The following PJA2 variants were observed in gnomAD, a reference collection of about 807,000 sequenced individuals.
PJA2 encodes praja ring finger ubiquitin ligase 2, also known as E3 ubiquitin-protein ligase Praja-2.
Under a neutral mutation model 69.3 loss-of-function variants are expected in PJA2, and 25 were observed. That is an observed-to-expected ratio of 0.36 (90% confidence interval 0.26 to 0.50). PJA2 has a LOEUF of 0.50. PJA2 is among the 20% of genes least tolerant of loss of function. The pLI is 0.96. For synonymous variants in PJA2, 308 were observed against 277.8 expected (o/e 1.11, Z -1.08); for missense variants, 809 against 830.2 (o/e 0.97, Z 0.31).
At chr5:109,378,074 TA>T in intron 4 of PJA2, 129 bp downstream of exon 4, 2 of 665,408 alleles carry the variant, frequency 3.0e-6, no homozygotes, top group Non-Finnish European at 5.0e-6. Context: ...ATTCAGTAAA[TA>T]AAAATATTTG....
At chr5:109,359,977 A>G (rs748910771) in intron 6 of PJA2, among the ~76,000 whole-genome samples, 9 of 152,238 alleles carry the variant, frequency 5.9e-5, no homozygotes, top group African/African-American at 7.2e-5. Context: ...AAACCTTACT[A>G]TAAGTATAAA....
chr5:109,376,771 T>C (rs896191186), intron 4 of PJA2, among the ~76,000 whole-genome samples: 1 of 152,154 alleles, frequency 6.6e-6, no homozygotes, highest in East Asian at 1.9e-4. Context: ...TAGGGCTAAA[T>C]GTGTTTTGGA....
intron 4 of PJA2, among the ~76,000 whole-genome samples, chr5:109,375,876 T>C (rs1427035840): frequency 6.6e-6 from 1 of 152,152 alleles, no homozygotes; most frequent in Non-Finnish European, 1.5e-5. Flanking sequence ...CTGGCAACTA[T>C]AATCCTTTGC....
chr5:109,347,618 T>C (rs1002904461), intron 7 of PJA2, among the ~76,000 whole-genome samples: 2 of 152,230 alleles, frequency 1.3e-5, no homozygotes, highest in African/African-American at 4.8e-5. Context: ...GGGCAGATTT[T>C]TGCCATGTTC....
intron 9 of PJA2, among the ~76,000 whole-genome samples, chr5:109,338,244 T>C (rs1000732085): frequency 6.6e-6 from 1 of 152,208 alleles, no homozygotes; most frequent in African/African-American, 2.4e-5. Context: ...CACTAAGGTA[T>C]TTCCTGACAG....
In PJA2 at chr5:109,353,236, TATA is replaced by T. The variant is rs1475041805; in HGVS notation, c.1764+2676_1764+2678del. On this transcript the variant is annotated intron_variant, in intron 7 of 9. Coordinates refer to ENST00000361189, the MANE Select transcript of PJA2 (RefSeq NM_014819.5). The stretch of plus-strand genomic sequence containing the variant: ...TATAGATATCTATATATTAGATACC[TATA>T]ATATCTATAGATATCTATATATTAG... Among the ~76,000 whole-genome samples, 53 of 141,560 alleles carry T rather than the reference TATA, an allele frequency of 3.7e-4. 1 individual carries two copies. Among genetic ancestry groups the T allele is most frequent in the South Asian group, 1.8e-3 (8 of 4,368 alleles). The allele number at this position is 141,560 out of a possible 152,430, so 92.9% of individuals were successfully genotyped here.
intron 1 of PJA2, among the ~76,000 whole-genome samples, chr5:109,387,975 G>A (rs1041619007): frequency 6.6e-6 from 1 of 152,168 alleles, no homozygotes; most frequent in East Asian, 1.9e-4. Context: ...GAAAAAGAGG[G>A]CTAAGTATTT....
At chr5:109,389,753 A>G (rs926381587) in intron 1 of PJA2, among the ~76,000 whole-genome samples, 1 of 152,004 alleles carries the variant, frequency 6.6e-6, no homozygotes, top group Non-Finnish European at 1.5e-5. Flanking sequence ...GTTACCTCTA[A>G]GCATTGCTTC....
chr5:109,345,702 G>A (rs559143690), intron 7 of PJA2, among the ~76,000 whole-genome samples: 18 of 152,246 alleles, frequency 1.2e-4, no homozygotes, highest in East Asian at 3.9e-4. Context: ...GCTACTAGAA[G>A]CTCCAGGTAT....
intron 1 of PJA2, among the ~76,000 whole-genome samples, chr5:109,403,275 C>A (rs1338197912): frequency 2.0e-5 from 3 of 152,048 alleles, no homozygotes; most frequent in Admixed American, 1.3e-4. Context: ...TACTAACGCT[C>A]ACTTAGTGAG....
chr5:109,362,805 C>A (rs776926493), intron 6 of PJA2, 35 bp downstream of exon 6: 2 of 1,522,752 alleles, frequency 1.3e-6, no homozygotes, highest in African/African-American at 1.4e-5. Context: ...AACTCAGAGC[C>A]TAATTAAGCA....
At chr5:109,353,859 G>A (rs1289447626) in intron 7 of PJA2, among the ~76,000 whole-genome samples, 4 of 24,358 alleles carry the variant, frequency 1.6e-4, no homozygotes, top group African/African-American at 4.4e-4. Context: ...AGATGTCTAT[G>A]ATATCTAGAG....
intron 9 of PJA2, among the ~76,000 whole-genome samples, chr5:109,342,209 GC>G (rs1220642173): frequency 3.9e-5 from 2 of 51,644 alleles, no homozygotes; most frequent in Non-Finnish European, 3.7e-5. Flanking sequence ...GGGGGGGTCA[GC>G]CCCCCCGCCC....
intron 4 of PJA2, among the ~76,000 whole-genome samples, chr5:109,375,710 A>G (rs1473086585): frequency 6.6e-6 from 1 of 152,170 alleles, no homozygotes; most frequent in African/African-American, 2.4e-5. Context: ...AAAACCTGAG[A>G]AGACTAGCAT....
At chr5:109,371,060 T>A (rs936304221) in intron 4 of PJA2, among the ~76,000 whole-genome samples, 1 of 152,218 alleles carries the variant, frequency 6.6e-6, no homozygotes, top group African/African-American at 2.4e-5. Flanking sequence ...TGTTTTTTAA[T>A]GGTGTGTGAG....
intron 1 of PJA2, among the ~76,000 whole-genome samples, chr5:109,401,711 G>A (rs1312185308): frequency 6.6e-6 from 1 of 152,192 alleles, no homozygotes; most frequent in South Asian, 2.1e-4. Flanking sequence ...TTTGTTACCA[G>A]TAGAATTGAA....
At chr5:109,404,434 C>T (rs1428166769) in intron 1 of PJA2, among the ~76,000 whole-genome samples, 4 of 151,940 alleles carry the variant, frequency 2.6e-5, no homozygotes, top group Admixed American at 2.6e-4. Flanking sequence ...GGCAGAATTG[C>T]TTGAGCCTGG....
At chr5:109,374,930 T>C (rs1266729962) in intron 4 of PJA2, among the ~76,000 whole-genome samples, 1 of 152,194 alleles carries the variant, frequency 6.6e-6, no homozygotes, top group Non-Finnish European at 1.5e-5. Flanking sequence ...AGCAGGGTAT[T>C]AACCTTAGCT....
At position 109,370,848 on chromosome 5, in the gene PJA2, T is replaced by TA. The variant is rs1351593193; in HGVS notation, c.1284-2103dup. 5.3e-5 allele frequency among the ~76,000 whole-genome samples: 8 copies of TA among 151,904 alleles called. No individual in the cohort carries two copies. The East Asian group carries it at 1.2e-3, about 22-fold the overall frequency. On this transcript the variant is annotated intron_variant, in intron 4 of 9. Coordinates refer to ENST00000361189, the MANE Select transcript of PJA2 (RefSeq NM_014819.5). ...ATATATAAAAGAGAAGCTCAGTTTT[T>TA]AAAAAAAAATTTTCACTCAGAATAT...
Sources: allele counts gnomAD v4.1 joint callset (sites outside exome capture counted in the v4.1 genomes callset), GRCh38; gene constraint gnomAD v4.1.1; transcripts MANE v1.5; gene names NCBI Gene and HGNC (gene_info 2026-07-23, HGNC 2026-07-21).